Variants in PARVA observed in about 807,000 individuals in gnomAD.
PARVA encodes alpha-parvin.
PARVA carries 25 observed loss-of-function variants against 52.6 expected under a neutral mutation model. The observed-to-expected ratio is 0.48, with a 90% CI of 0.35 to 0.66. PARVA has a LOEUF of 0.66. Ranked by LOEUF, PARVA falls within the 30% of genes least tolerant of loss-of-function variation. The probability of loss-of-function intolerance (pLI) is 0.01; values close to 1 mark genes in which losing one functional copy is unlikely to be tolerated. For synonymous variants in PARVA, 185 were observed against 179.1 expected (o/e 1.03, Z -0.26); for missense variants, 373 against 450.9 (o/e 0.83, Z 1.56).
chr11:12,511,546 A>C lies in PARVA; in HGVS notation c.736+13A>C. 1 of 1,613,216 alleles carries C rather than the reference A, an allele frequency of 6.2e-7. No homozygotes were observed. On this transcript the variant is annotated intron_variant, in intron 8 of 12. Transcript: ENST00000334956. ...TCCGGGAGGCATGGTAAGTCACATA[A>C]GATTGTCCTCTGGCACTGGTGGCTG...
At chr11:12,469,480 A>G (rs1220197803) in intron 1 of PARVA, among the ~76,000 whole-genome samples, 2 of 152,172 alleles carry the variant, frequency 1.3e-5, no homozygotes, top group Non-Finnish European at 2.9e-5. Flanking sequence ...GTGCCGAGAA[A>G]ATTCAGTTGT....
At chr11:12,442,961 A>AC (rs199524141) in intron 1 of PARVA, among the ~76,000 whole-genome samples, 24,431 of 149,952 alleles carry the variant, frequency 0.16, 2,528 homozygotes, top group East Asian at 0.3. Flanking sequence ...TCCCGGGTTC[A>AC]CGCCATTCTC....
intron 1 of PARVA, among the ~76,000 whole-genome samples, chr11:12,398,752 A>G (rs957582635): frequency 3.3e-5 from 5 of 152,190 alleles, no homozygotes; most frequent in African/African-American, 1.2e-4. Flanking sequence ...AGTGCTTGGC[A>G]TGGAACCAGG....
intron 1 of PARVA, among the ~76,000 whole-genome samples, chr11:12,393,729 T>A (rs1939696337): frequency 6.6e-6 from 1 of 152,216 alleles, no homozygotes; most frequent in Non-Finnish European, 1.5e-5. Context: ...AATATAATTT[T>A]GTTCTTGGCC....
chr11:12,377,503 GA>G (rs1460366875), upstream of PARVA: 2 of 1,426,166 alleles, frequency 1.4e-6, no homozygotes, highest in East Asian at 3.0e-5. Flanking sequence ...CGAGGGAAGG[GA>G]AAGGCGAGCG....
At chr11:12,477,121 A>C (rs967530508) in intron 3 of PARVA, 5 of 150,994 alleles carry the variant, frequency 3.3e-5, no homozygotes, top group African/African-American at 1.2e-4. Context: ...TTTTAGATAG[A>C]GTCTCACTCT....
intron 1 of PARVA, among the ~76,000 whole-genome samples, chr11:12,429,219 A>G (rs748524264): frequency 4.6e-5 from 7 of 152,096 alleles, no homozygotes; most frequent in Non-Finnish European, 8.8e-5. Context: ...CGCCTCAAAC[A>G]GTCCTCCCAC....
chr11:12,497,919 C>G (rs1294662358), intron 5 of PARVA, among the ~76,000 whole-genome samples: 4 of 152,170 alleles, frequency 2.6e-5, no homozygotes, highest in African/African-American at 9.7e-5. Flanking sequence ...TCTCCCGCTC[C>G]TTTGAATAGG....
intron 1 of PARVA, among the ~76,000 whole-genome samples, chr11:12,434,258 C>G (rs1323296563): frequency 2.0e-5 from 3 of 152,172 alleles, no homozygotes; most frequent in Non-Finnish European, 4.4e-5. Flanking sequence ...TTTTGCAGCC[C>G]TGCGCTCCCT....
chr11:12,513,150 C>T, intron 8 of PARVA, 149 bp from the exon 9 acceptor site: 1 of 763,238 alleles, frequency 1.3e-6, no homozygotes, highest in Non-Finnish European at 2.4e-6. Context: ...AATCACATTC[C>T]AGAGTTCCCG....
At chr11:12,515,239 C>T (rs924939725) in intron 10 of PARVA, among the ~76,000 whole-genome samples, 3 of 152,168 alleles carry the variant, frequency 2.0e-5, no homozygotes, top group East Asian at 1.9e-4. Context: ...AATCCTGTTT[C>T]CCCACCTCCT....
At chr11:12,444,785 C>T (rs1327501239) in intron 1 of PARVA, among the ~76,000 whole-genome samples, 1 of 152,170 alleles carries the variant, frequency 6.6e-6, no homozygotes, top group Non-Finnish European at 1.5e-5. Context: ...AACCCAGAGG[C>T]ATGCTGAGAC....
intron 1 of PARVA, among the ~76,000 whole-genome samples, chr11:12,467,773 C>A (rs1159624867): frequency 6.6e-6 from 1 of 152,174 alleles, no homozygotes; most frequent in Non-Finnish European, 1.5e-5. Flanking sequence ...GAAAGAACAT[C>A]CTGGTTCTTT....
intron 1 of PARVA, among the ~76,000 whole-genome samples, chr11:12,468,848 C>T (rs1473521874): frequency 6.6e-6 from 1 of 152,154 alleles, no homozygotes; most frequent in East Asian, 1.9e-4. Context: ...GCCTTTTCTT[C>T]CTTGGGCCTT....
intron 7 of PARVA, among the ~76,000 whole-genome samples, 182 bp from the exon 8 acceptor site, chr11:12,511,332 G>A (rs1229419490): frequency 6.6e-6 from 1 of 152,130 alleles, no homozygotes; most frequent in Non-Finnish European, 1.5e-5. Context: ...CTCAATAATT[G>A]GAGGCCGTGC....
At chr11:12,491,769 ATACT>A (rs1235078111) in intron 4 of PARVA, among the ~76,000 whole-genome samples, 1 of 152,218 alleles carries the variant, frequency 6.6e-6, no homozygotes, top group Non-Finnish European at 1.5e-5. Flanking sequence ...AGTTTTTAAC[ATACT>A]TCTCTTAATA....
chr11:12,426,399 G>T (rs1431003880), intron 1 of PARVA, among the ~76,000 whole-genome samples: 1 of 151,970 alleles, frequency 6.6e-6, no homozygotes, highest in Non-Finnish European at 1.5e-5. Flanking sequence ...TGAGTAAGGA[G>T]GGGGAGTGGC....
intron 3 of PARVA, among the ~76,000 whole-genome samples, chr11:12,476,122 T>C (rs561455163): frequency 1.3e-5 from 2 of 152,224 alleles, no homozygotes; most frequent in South Asian, 4.2e-4. Context: ...CTCCAAATGG[T>C]TTAGGCTTCA....
chr11:12,524,493 T>TATCA (rs1366264140), intron 12 of PARVA, among the ~76,000 whole-genome samples: 1 of 152,228 alleles, frequency 6.6e-6, no homozygotes. Flanking sequence ...CCCCTGCCTC[T>TATCA]ATCAGTATCT....
Sources: allele counts gnomAD v4.1 joint callset (sites outside exome capture counted in the v4.1 genomes callset), GRCh38; gene constraint gnomAD v4.1.1; transcripts MANE v1.5; gene names NCBI Gene and HGNC (gene_info 2026-07-23, HGNC 2026-07-21).